SLC23A2: variants seen among roughly 807,000 people sequenced by gnomAD.
SLC23A2 encodes Na(+)/L-ascorbic acid transporter 2.
In SLC23A2, 36 loss-of-function variants were observed where a neutral mutation model predicts 73.3. The ratio of observed to expected loss-of-function variants is 0.49; its 90% CI spans 0.38 to 0.65. The LOEUF is 0.65. Ranked by LOEUF, SLC23A2 falls within the 30% of genes least tolerant of loss-of-function variation. The pLI, the probability that SLC23A2 is intolerant of heterozygous loss-of-function variation, is 0.00. For synonymous variants in SLC23A2, 343 were observed against 327.3 expected (o/e 1.05, Z -0.52); for missense variants, 507 against 841.6 (o/e 0.60, Z 4.92).
intron 9 of SLC23A2, among the ~76,000 whole-genome samples, chr20:4,876,239 T>C (rs1568606025): frequency 6.6e-6 from 1 of 152,214 alleles, no homozygotes; most frequent in Non-Finnish European, 1.5e-5. Context: ...GAGTGAATAT[T>C]AGGAGATCCA....
intron 7 of SLC23A2, among the ~76,000 whole-genome samples, chr20:4,885,418 C>T (rs561690834): frequency 3.3e-5 from 5 of 152,286 alleles, no homozygotes; most frequent in African/African-American, 7.2e-5. Flanking sequence ...TGCAGCAAAC[C>T]ACAGTAGCCA....
At chr20:4,930,311 C>T (rs1156333690) in intron 3 of SLC23A2, among the ~76,000 whole-genome samples, 1 of 152,174 alleles carries the variant, frequency 6.6e-6, no homozygotes, top group Non-Finnish European at 1.5e-5. Context: ...TAATCTTGAA[C>T]AACTGGACTG....
chr20:4,854,385 A>C lies in SLC23A2; in HGVS notation c.*2587T>G, dbSNP rs1413036028. On this transcript the variant is annotated 3_prime_UTR_variant, in exon 17 of 17. Coordinates refer to ENST00000338244, the MANE Select transcript of SLC23A2 (RefSeq NM_005116.6). ...TTTTCCAGTAGGAGAACCACTTCCT[A>C]AAATGGTGTGTGTGTGTGTGTGTGT... The C allele has an allele frequency of 7.7e-6, 1 of 130,366 alleles. No individual in the cohort carries two copies. Among genetic ancestry groups the C allele is most frequent in the Non-Finnish European group, 1.5e-5 (1 of 65,532 alleles). 8.1% of individuals were successfully genotyped at this position (130,366 alleles called of 1,614,324 possible).
intron 4 of SLC23A2, among the ~76,000 whole-genome samples, chr20:4,903,532 A>G (rs1931828025): frequency 6.6e-6 from 1 of 152,230 alleles, no homozygotes; most frequent in Non-Finnish European, 1.5e-5. Flanking sequence ...CAAAATGAAG[A>G]GATATCCACA....
In SLC23A2 at chr20:4,857,393, G is replaced by A. The variant is rs1163640229; in HGVS notation, c.1721-189C>T. Among the ~76,000 whole-genome samples, 1 of 151,210 alleles carries A rather than the reference G, an allele frequency of 6.6e-6. No homozygotes were observed. Among genetic ancestry groups the A allele is most frequent in the Non-Finnish European group, 1.5e-5 (1 of 67,928 alleles). On this transcript the variant is annotated intron_variant, in intron 16 of 16. Transcript: ENST00000338244. This position sits in a 1 kb window ranked among gnomAD's most constrained non-coding sequence, Gnocchi z 4.0. ...AGCAAAGAATACTTGAGGAGGTGAA[G>A]GTGCTCAGCTATCCAGTGCCCAAAC...
At chr20:4,952,955 G>A (rs887454910) in intron 2 of SLC23A2, among the ~76,000 whole-genome samples, 1 of 151,682 alleles carries the variant, frequency 6.6e-6, no homozygotes, top group South Asian at 2.1e-4. Flanking sequence ...CCCGGGAGGC[G>A]AAGGTTGCAG....
At chr20:4,993,609 CA>C (rs2087967891) in intron 1 of SLC23A2, among the ~76,000 whole-genome samples, 1 of 151,598 alleles carries the variant, frequency 6.6e-6, no homozygotes. Flanking sequence ...GTTTCTGAAA[CA>C]GAATGAGAAA....
upstream of SLC23A2, among the ~76,000 whole-genome samples, chr20:5,006,378 G>A (rs1292719837): frequency 5.3e-5 from 8 of 151,626 alleles, no homozygotes; most frequent in African/African-American, 7.3e-5. Context: ...AATTACAGGC[G>A]TGAGCCACCG....
chr20:4,986,641 TACACACATACACAC>T lies in SLC23A2; in HGVS notation c.-282+14751_-282+14764del, dbSNP rs2087832006. ...GAAACTTTTGTCTGAGATACATACA[TACACACATACACAC>T]ACACACACACACACACACACACACA... is the stretch of plus-strand genomic sequence containing the variant. On this transcript the variant is annotated intron_variant, in intron 1 of 16. Coordinates refer to ENST00000338244, the MANE Select transcript of SLC23A2 (RefSeq NM_005116.6). 5.1e-5 allele frequency among the ~76,000 whole-genome samples: 4 copies of T among 78,034 alleles called. No homozygotes were observed. The Admixed American group carries it at 6.4e-4, about 13-fold the overall frequency. The allele number at this position is 78,034 out of a possible 152,430, so 51.2% of individuals were successfully genotyped here. A position where few individuals can be genotyped will look rare whatever the true frequency, so the allele number is the denominator to read the frequency against.
chr20:4,959,394 T>G (rs542850377), intron 2 of SLC23A2, among the ~76,000 whole-genome samples: 1 of 152,292 alleles, frequency 6.6e-6, no homozygotes, highest in Admixed American at 6.5e-5. Flanking sequence ...AACATAAGTT[T>G]CCATAAGACC....
chr20:4,946,904 A>G (rs1201411765), intron 2 of SLC23A2, among the ~76,000 whole-genome samples: 1 of 152,200 alleles, frequency 6.6e-6, no homozygotes, highest in South Asian at 2.1e-4. Context: ...CTAATGCTAT[A>G]GCAAACAGAT....
intron 2 of SLC23A2, among the ~76,000 whole-genome samples, chr20:4,953,957 C>T (rs988470434): frequency 5.9e-5 from 9 of 151,982 alleles, no homozygotes; most frequent in African/African-American, 1.9e-4. Flanking sequence ...AAAAGTAACA[C>T]TAATGCTGCC....
At chr20:4,881,259 G>A (rs1034400750) in intron 9 of SLC23A2, among the ~76,000 whole-genome samples, 1 of 152,158 alleles carries the variant, frequency 6.6e-6, no homozygotes, top group Non-Finnish European at 1.5e-5. Context: ...GGCAAAATAG[G>A]GGCTGGATCT....
chr20:4,864,248 C>T (rs760390027), intron 13 of SLC23A2, among the ~76,000 whole-genome samples: 2 of 152,178 alleles, frequency 1.3e-5, no homozygotes, highest in African/African-American at 4.8e-5. Flanking sequence ...AAATTTTAAA[C>T]GCAATTCCTC....
chr20:5,007,139 C>G (rs2088200600), intron 1 of SLC23A2, among the ~76,000 whole-genome samples: 1 of 152,170 alleles, frequency 6.6e-6, no homozygotes, highest in African/African-American at 2.4e-5. Context: ...CTTCTCCCCA[C>G]TCCACCGCCA....
At chr20:4,964,225 G>A (rs2087438038) in intron 2 of SLC23A2, among the ~76,000 whole-genome samples, 1 of 151,914 alleles carries the variant, frequency 6.6e-6, no homozygotes, top group African/African-American at 2.4e-5. Context: ...GAACTCCTGG[G>A]CTCAAGCAAT....
At chr20:4,968,853 G>T (rs184182834) in intron 2 of SLC23A2, among the ~76,000 whole-genome samples, 1 of 151,858 alleles carries the variant, frequency 6.6e-6, no homozygotes, top group East Asian at 1.9e-4. Context: ...AGAGTAGCTA[G>T]CAATACAGGT....
chr20:4,968,050 G>A (rs980209255), intron 2 of SLC23A2, among the ~76,000 whole-genome samples: 1 of 152,164 alleles, frequency 6.6e-6, no homozygotes, highest in African/African-American at 2.4e-5. Flanking sequence ...GACTGCCCTT[G>A]GTGGGCTGGA....
At position 4,868,529 on chromosome 20, in the gene SLC23A2, C is replaced by T. The variant is rs553459223; in HGVS notation, c.1251-654G>A. ...GCCATTTGTTGGGGTATAAGACAAA[C>T]ATGGGCCGTCTATGGAAATAAAACA... On this transcript the variant is annotated intron_variant, in intron 12 of 16. Transcript: ENST00000338244. The surrounding 1 kb of genome is among the most constrained non-coding windows in gnomAD (Gnocchi z 4.4). Among the ~76,000 whole-genome samples the T allele has an allele frequency of 6.6e-6, 1 of 152,326 alleles. No individual in the cohort carries two copies. Among genetic ancestry groups the T allele is most frequent in the Non-Finnish European group, 1.5e-5 (1 of 68,028 alleles).
Sources: allele counts gnomAD v4.1 joint callset (sites outside exome capture counted in the v4.1 genomes callset), GRCh38; gene constraint gnomAD v4.1.1; non-coding constraint Gnocchi (gnomAD v3.1); transcripts MANE v1.5; gene names NCBI Gene and HGNC (gene_info 2026-07-23, HGNC 2026-07-21).